The following BRIP1 variants were observed in gnomAD, a reference collection of about 807,000 sequenced individuals.
BRIP1 encodes BRCA1 interacting DNA helicase 1.
A neutral mutation model predicts 119.7 loss-of-function variants in BRIP1; 88 were observed. The ratio of observed to expected loss-of-function variants is 0.74; its 90% CI spans 0.62 to 0.88. The LOEUF (loss-of-function observed/expected upper bound fraction) is 0.88. Among genes scored for constraint, BRIP1 ranks in the 40% least tolerant of loss-of-function variants. The probability of loss-of-function intolerance (pLI) is 0.00; values close to 1 mark genes in which losing one functional copy is unlikely to be tolerated. For missense variants in BRIP1, 1,259 were observed against 1,455.4 expected (o/e 0.87, Z 2.20); for synonymous variants, 443 against 496.5 (o/e 0.89, Z 1.43).
At position 61,759,505 on chromosome 17, in the gene BRIP1, T is replaced by C. The variant is rs1390373040; in HGVS notation, c.2098-14914A>G. Among the ~76,000 whole-genome samples the C allele has an allele frequency of 6.6e-6, 1 of 152,048 alleles. No individual in the cohort carries two copies. Among genetic ancestry groups the C allele is most frequent in the Non-Finnish European group, 1.5e-5 (1 of 67,976 alleles). ...GACATTGATACCCCACTTTCAACAA[T>C]GAACAAATCATCCAGACAGAAAATA... is the stretch of plus-strand genomic sequence containing the variant. On this transcript the variant is annotated intron_variant, in intron 14 of 19. Transcript: ENST00000259008. The surrounding 1 kb of genome is among the most constrained non-coding windows in gnomAD (Gnocchi z 4.9).
At chr17:61,840,748 A>G (rs1249094694) in intron 6 of BRIP1, among the ~76,000 whole-genome samples, 1 of 152,248 alleles carries the variant, frequency 6.6e-6, no homozygotes, top group Admixed American at 6.5e-5. Context: ...TAAGATTCAT[A>G]TGGAACCACA....
At position 61,691,611 on chromosome 17, in the gene BRIP1, G is replaced by A. The variant is rs552361572; in HGVS notation, c.2575+1819C>T. On this transcript the variant is annotated intron_variant, in intron 18 of 19. Transcript: ENST00000259008. The surrounding 1 kb of genome is among the most constrained non-coding windows in gnomAD (Gnocchi z 5.0). ...GTTGAGATTACAGGCACCCGCCACCGCACCCGGCTAATTTTTGTATTTTTA... is the reference window on the plus strand; with the variant it reads ...GTTGAGATTACAGGCACCCGCCACCACACCCGGCTAATTTTTGTATTTTTA... Among the ~76,000 whole-genome samples, 22 of 152,086 alleles carry A rather than the reference G, an allele frequency of 1.4e-4. 1 individual carries two copies. The South Asian group carries it at 3.1e-3, about 22-fold the overall frequency.
intron 6 of BRIP1, among the ~76,000 whole-genome samples, chr17:61,819,364 A>C (rs997025620): frequency 6.6e-6 from 1 of 152,216 alleles, no homozygotes; most frequent in Non-Finnish European, 1.5e-5. Flanking sequence ...ATGATCCAGC[A>C]ATCCCACTGC....
chr17:61,692,529 AC>A (rs1425543475), intron 18 of BRIP1, among the ~76,000 whole-genome samples: 1 of 152,144 alleles, frequency 6.6e-6, no homozygotes, highest in Non-Finnish European at 1.5e-5. Flanking sequence ...AATCCAAATA[AC>A]CCAATTAAAA....
At chr17:61,829,441 A>G (rs2078456571) in intron 6 of BRIP1, among the ~76,000 whole-genome samples, 1 of 152,112 alleles carries the variant, frequency 6.6e-6, no homozygotes, top group African/African-American at 2.4e-5. Flanking sequence ...TAGAATTGAA[A>G]GAAAAGGCAA....
rs2061470148 is a variant in BRIP1, at chr17:61,693,024, TA to T, written c.2575+405del. 6.6e-6 allele frequency among the ~76,000 whole-genome samples: 1 copy of T among 152,104 alleles called. No homozygotes were observed. The highest frequency in any genetic ancestry group is 1.5e-5 in the Non-Finnish European group (1 of 68,010). ...AATATGGTATAATGTATACATAAAA[TA>T]AAATATTAAGCAGTCATTGAAAAGA... is the stretch of plus-strand genomic sequence containing the variant. On this transcript the variant is annotated intron_variant, in intron 18 of 19. Transcript: ENST00000259008. This position sits in a 1 kb window ranked among gnomAD's most constrained non-coding sequence, Gnocchi z 4.2.
rs1430228536 is a variant in BRIP1 at position 61,701,411 on chromosome 17, T to G, written c.2493-7899A>C. Among the ~76,000 whole-genome samples the G allele has an allele frequency of 6.6e-6, 1 of 152,234 alleles. No homozygotes were observed. Among genetic ancestry groups the G allele is most frequent in the Non-Finnish European group, 1.5e-5 (1 of 68,042 alleles). ...AGCTAATAATTAGACAGAGATTTCC[T>G]TAAATGTCTAGAACCATCATGTCTC... On this transcript the variant is annotated intron_variant, in intron 17 of 19. Coordinates refer to ENST00000259008, the MANE Select transcript of BRIP1 (RefSeq NM_032043.3). The surrounding 1 kb of genome is among the most constrained non-coding windows in gnomAD (Gnocchi z 5.1).
chr17:61,763,307 T>G (rs1235987240), intron 14 of BRIP1, among the ~76,000 whole-genome samples: 2 of 152,048 alleles, frequency 1.3e-5, no homozygotes, highest in African/African-American at 4.8e-5. Flanking sequence ...TATGGGAATG[T>G]GGGGAAGGTT....
In BRIP1 at chr17:61,756,829, T is replaced by A. The variant is rs2077207208; in HGVS notation, c.2098-12238A>T. 6.6e-6 allele frequency among the ~76,000 whole-genome samples: 1 copy of A among 152,202 alleles called. No homozygotes were observed. The highest frequency in any genetic ancestry group is 2.4e-5 in the African/African-American group (1 of 41,448). On this transcript the variant is annotated intron_variant, in intron 14 of 19. Coordinates refer to ENST00000259008, the MANE Select transcript of BRIP1 (RefSeq NM_032043.3). The surrounding 1 kb of genome is among the most constrained non-coding windows in gnomAD (Gnocchi z 4.3). Reference sequence around the variant, plus strand: ...GCCCTCATTAGTGGTATTGTTACAATCCCAGTCCTCTGGAAAATGTTTTTT... The same window carrying A: ...GCCCTCATTAGTGGTATTGTTACAAACCCAGTCCTCTGGAAAATGTTTTTT...
intron 17 of BRIP1, among the ~76,000 whole-genome samples, chr17:61,696,521 T>C (rs993871000): frequency 1.3e-5 from 2 of 152,086 alleles, no homozygotes; most frequent in Non-Finnish European, 2.9e-5. Flanking sequence ...TAATGAAAGA[T>C]TAATGCAAAT....
At chr17:61,836,076 A>G (rs1220396067) in intron 6 of BRIP1, among the ~76,000 whole-genome samples, 4 of 147,678 alleles carry the variant, frequency 2.7e-5, no homozygotes, top group African/African-American at 9.9e-5. Context: ...GGTTTTTATA[A>G]TGTTAAAGGT....
intron 19 of BRIP1, chr17:61,685,026 A>C (rs1156695542): frequency 6.6e-6 from 1 of 152,224 alleles, no homozygotes; most frequent in Non-Finnish European, 1.5e-5. Flanking sequence ...AATTAAAACA[A>C]CTGAAATTAT....
In BRIP1 at chr17:61,745,868, T is replaced by G. The variant is rs565929710; in HGVS notation, c.2098-1277A>C. Among the ~76,000 whole-genome samples the G allele has an allele frequency of 7.9e-5, 12 of 151,884 alleles. No homozygotes were observed. In the South Asian group the frequency reaches 2.5e-3, roughly 32 times the overall value. ...CAAAATAAAAGAATCAAGTATTCTT[T>G]CCAAGAAGCTAGAAAATGAAATATA... is the stretch of plus-strand genomic sequence containing the variant. On this transcript the variant is annotated intron_variant, in intron 14 of 19. Transcript: ENST00000259008. The surrounding 1 kb of genome is among the most constrained non-coding windows in gnomAD (Gnocchi z 4.4).
intron 6 of BRIP1, among the ~76,000 whole-genome samples, chr17:61,833,876 T>C (rs1400505153): frequency 6.6e-6 from 1 of 152,144 alleles, no homozygotes; most frequent in Non-Finnish European, 1.5e-5. Flanking sequence ...CCAGAGATTT[T>C]CCTGCTGGCT....
chr17:61,838,740 G>T (rs1290289758), intron 6 of BRIP1, among the ~76,000 whole-genome samples: 1 of 151,378 alleles, frequency 6.6e-6, no homozygotes, highest in South Asian at 2.1e-4. Context: ...AAAATGTGAG[G>T]CATTTTGGTC....
At chr17:61,692,267 A>T (rs568071470) in intron 18 of BRIP1, among the ~76,000 whole-genome samples, 2 of 152,370 alleles carry the variant, frequency 1.3e-5, no homozygotes, top group East Asian at 3.9e-4. Context: ...TTTGGATATG[A>T]CACCAAAAAC....
rs568660102 is a variant in BRIP1 at position 61,805,725 on chromosome 17, T to C, written c.918+2742A>G. Among the ~76,000 whole-genome samples the C allele has an allele frequency of 1.3e-5, 2 of 152,322 alleles. No homozygotes were observed. The highest frequency in any genetic ancestry group is 3.9e-4 in the East Asian group (2 of 5,192). On this transcript the variant is annotated intron_variant, in intron 7 of 19. Transcript: ENST00000259008. The surrounding 1 kb of genome is among the most constrained non-coding windows in gnomAD (Gnocchi z 5.6). ...GATTCAGGTAAAAACGTGTCAATCATCTTTCATACTCTCAGTTTGATACAG... is the reference window on the plus strand; with the variant it reads ...GATTCAGGTAAAAACGTGTCAATCACCTTTCATACTCTCAGTTTGATACAG...
At chr17:61,694,642 A>G (rs2061496403) in intron 17 of BRIP1, among the ~76,000 whole-genome samples, 1 of 151,872 alleles carries the variant, frequency 6.6e-6, no homozygotes, top group African/African-American at 2.4e-5. Context: ...CCCACCACCT[A>G]CGTACAAGGG....
rs2061267050 is a variant in BRIP1, at chr17:61,681,346, CAG to C, written c.*1948_*1949del. The C allele has an allele frequency of 4.7e-6, 1 of 210,914 alleles. No individual in the cohort carries two copies. The highest frequency in any genetic ancestry group is 5.9e-5 in the Admixed American group (1 of 17,014). 13.1% of individuals were successfully genotyped at this position (210,914 alleles called of 1,614,324 possible). ...AATGAAAATCGACTCAGAATATCAA[CAG>C]ACATTCCTTTATAGATTCTCAAAGC... On this transcript the variant is annotated 3_prime_UTR_variant, in exon 20 of 20. Transcript: ENST00000259008. The surrounding 1 kb of genome is among the most constrained non-coding windows in gnomAD (Gnocchi z 5.1).
Sources: gnomAD v4.1 joint callset for allele counts (sites outside exome capture counted in the v4.1 genomes callset) on GRCh38, gnomAD v4.1.1 for gene constraint, Gnocchi (gnomAD v3.1) non-coding constraint, MANE v1.5 for transcripts, NCBI Gene and HGNC (gene_info 2026-07-23, HGNC 2026-07-21) for gene names.